The following FBXO4 variants were observed in gnomAD, a reference collection of about 807,000 sequenced individuals.
FBXO4 encodes the protein F-box only protein 4.
A neutral mutation model predicts 43.7 loss-of-function variants in FBXO4; 36 were observed. The observed-to-expected ratio is 0.82, with a 90% CI of 0.63 to 1.09. The LOEUF (loss-of-function observed/expected upper bound fraction) is 1.09. FBXO4 is among the 50% of genes least tolerant of loss of function. The pLI is 0.00. For synonymous variants in FBXO4, 180 were observed against 165.6 expected (o/e 1.09, Z -0.67); for missense variants, 435 against 474.1 (o/e 0.92, Z 0.77).
chr5:41,986,248 A>G, the FBXO4 span, among the ~76,000 whole-genome samples: 3 of 151,760 alleles, frequency 2.0e-5, no homozygotes, highest in Non-Finnish European at 4.4e-5. Context: ...TTCTGGTCCT[A>G]CTCTCTATTT....
At chr5:41,930,201 A>T in intron 3 of FBXO4, 1 of 294,458 alleles carries the variant, frequency 3.4e-6, no homozygotes, top group Non-Finnish European at 6.2e-6. Context: ...TATCATATTT[A>T]TCATGTTTGA....
the FBXO4 span, among the ~76,000 whole-genome samples, chr5:41,966,619 C>T: frequency 2.6e-5 from 4 of 152,240 alleles, no homozygotes; most frequent in South Asian, 2.1e-4. Context: ...TTTTCCTAGC[C>T]GGTTCAGTTC....
chr5:41,986,639 T>C, the FBXO4 span, among the ~76,000 whole-genome samples: 2 of 152,178 alleles, frequency 1.3e-5, no homozygotes, highest in Admixed American at 1.3e-4. Flanking sequence ...TTGTTTGGGA[T>C]GTTTATGTGA....
chr5:41,930,157 T>C (rs865848073), intron 3 of FBXO4: 15 of 451,180 alleles, frequency 3.3e-5, no homozygotes, highest in Middle Eastern at 5.7e-4. Context: ...AAATAAATTA[T>C]TTGTTGTCAA....
At chr5:41,963,975 G>A in the FBXO4 span, 4 of 152,180 alleles carry the variant, frequency 2.6e-5, no homozygotes, top group African/African-American at 9.7e-5. Context: ...CAGTCAGGAT[G>A]ATTTTTTATG....
At chr5:41,929,985 A>T in intron 3 of FBXO4, 68 bp downstream of exon 3, 1 of 1,258,076 alleles carries the variant, frequency 7.9e-7, no homozygotes, top group South Asian at 1.4e-5. Flanking sequence ...AAAAAGAAAG[A>T]AATTCATTTT....
chr5:41,933,902 T>G, intron 3 of FBXO4, 44 bp from the exon 4 acceptor site: 1 of 1,519,674 alleles, frequency 6.6e-7, no homozygotes, highest in Non-Finnish European at 9.0e-7. Flanking sequence ...CTTTTGCTAT[T>G]TTTATTAATG....
At chr5:42,008,837 C>T in the FBXO4 span, among the ~76,000 whole-genome samples, 1 of 152,086 alleles carries the variant, frequency 6.6e-6, no homozygotes, top group Admixed American at 6.6e-5. Context: ...CCAACACTGT[C>T]CCAGGTTGAT....
the FBXO4 span, among the ~76,000 whole-genome samples, chr5:42,040,145 A>G: frequency 6.6e-6 from 1 of 152,012 alleles, no homozygotes; most frequent in South Asian, 2.1e-4. Context: ...GAAAACTAAT[A>G]CACCTCCCTT....
At chr5:41,933,379 T>A (rs1751751372) in intron 3 of FBXO4, among the ~76,000 whole-genome samples, 1 of 152,016 alleles carries the variant, frequency 6.6e-6, no homozygotes, top group Admixed American at 6.6e-5. Flanking sequence ...CATGCCTGGA[T>A]AATTGTTTTG....
the FBXO4 span, among the ~76,000 whole-genome samples, chr5:41,977,141 A>G: frequency 6.6e-6 from 1 of 152,148 alleles, no homozygotes; most frequent in Non-Finnish European, 1.5e-5. Flanking sequence ...TCCTAGGCCT[A>G]TAAACCTGTG....
At chr5:41,949,056 A>G in the FBXO4 span, among the ~76,000 whole-genome samples, 7 of 152,206 alleles carry the variant, frequency 4.6e-5, no homozygotes, top group African/African-American at 1.7e-4. Context: ...TATTGATGGA[A>G]CATATCTCAA....
At chr5:42,018,714 C>T in the FBXO4 span, among the ~76,000 whole-genome samples, 1 of 152,048 alleles carries the variant, frequency 6.6e-6, no homozygotes, top group African/African-American at 2.4e-5. Flanking sequence ...ACCTTTTTCC[C>T]CCAAAAGCAT....
chr5:41,933,076 T>C (rs1355648153), intron 3 of FBXO4, among the ~76,000 whole-genome samples: 1 of 152,208 alleles, frequency 6.6e-6, no homozygotes, highest in African/African-American at 2.4e-5. Context: ...TTAGTTCAAC[T>C]TCTTTTTGGT....
the FBXO4 span, among the ~76,000 whole-genome samples, chr5:41,972,851 G>A: frequency 2.0e-5 from 3 of 152,092 alleles, no homozygotes; most frequent in Non-Finnish European, 4.4e-5. Flanking sequence ...AAATAGTGCT[G>A]GATAACTGGC....
the FBXO4 span, among the ~76,000 whole-genome samples, chr5:41,974,656 C>A: frequency 6.6e-6 from 1 of 151,984 alleles, no homozygotes; most frequent in Non-Finnish European, 1.5e-5. Flanking sequence ...CCTGCCTGAT[C>A]CTGCATGTTG....
chr5:41,953,047 C>A, the FBXO4 span, among the ~76,000 whole-genome samples: 4 of 151,688 alleles, frequency 2.6e-5, no homozygotes, highest in South Asian at 8.4e-4. Flanking sequence ...GCACAATGTG[C>A]AGGTTAGTTA....
the FBXO4 span, among the ~76,000 whole-genome samples, chr5:42,036,925 G>T: frequency 6.6e-6 from 1 of 152,146 alleles, no homozygotes; most frequent in Admixed American, 6.6e-5. Flanking sequence ...ACTTGGTGGG[G>T]AGGGTACTAA....
chr5:41,962,186 A>T, the FBXO4 span, among the ~76,000 whole-genome samples: 23 of 152,198 alleles, frequency 1.5e-4, no homozygotes, highest in Non-Finnish European at 5.9e-5. Context: ...AAGTTTCTTT[A>T]GACTTATTTT....
Sources: allele counts gnomAD v4.1 joint callset (sites outside exome capture counted in the v4.1 genomes callset), GRCh38; gene constraint gnomAD v4.1.1; transcripts MANE v1.5; gene names NCBI Gene and HGNC (gene_info 2026-07-23, HGNC 2026-07-21).